Variants in CUTC observed in about 807,000 individuals in gnomAD.
CUTC encodes copper homeostasis protein cutC homolog.
A neutral mutation model predicts 36.2 loss-of-function variants in CUTC; 27 were observed. That is an observed-to-expected ratio of 0.75 (90% CI 0.55 to 1.03). The LOEUF (loss-of-function observed/expected upper bound fraction) is 1.03. Ranked by LOEUF, CUTC falls within the 50% of genes least tolerant of loss-of-function variation. CUTC has a pLI of 0.00. For synonymous variants in CUTC, 114 were observed against 118.3 expected, an observed-to-expected ratio of 0.96 and a Z score of 0.24; for missense variants, 315 against 343.5, an observed-to-expected ratio of 0.92 and a Z score of 0.66.
At chr10:99,740,162 A>G (rs1022648702) in intron 3 of CUTC, among the ~76,000 whole-genome samples, 4 of 152,270 alleles carry the variant, frequency 2.6e-5, no homozygotes, top group East Asian at 1.9e-4. Flanking sequence ...TGAAGAGTCA[A>G]TTATCTTTTG....
chr10:99,737,685 TTC>T (rs368612056), intron 2 of CUTC, among the ~76,000 whole-genome samples: 2 of 152,162 alleles, frequency 1.3e-5, no homozygotes, highest in African/African-American at 4.8e-5. Flanking sequence ...TACAAAAACA[TTC>T]TTAGTTTGCA....
rs1041364148 is a variant in CUTC at position 99,732,358 on chromosome 10, C to A, written c.10C>A (p.Gln4Lys). 9 of 1,552,856 alleles carry A rather than the reference C, an allele frequency of 5.8e-6. No individual in the cohort carries two copies. Among genetic ancestry groups the A allele is most frequent in the African/African-American group, 1.4e-5 (1 of 73,136 alleles). Residue 4 changes from glutamine (Q) to lysine (K), a missense_variant, in exon 1 of 9, where the codon CAG becomes AAG. By Grantham distance (53) the Gln-to-Lys change is moderately conservative (BLOSUM62 1). Transcript: ENST00000370476. MKR[Q>K]GASSERKRAR... ...GAGGAACGCGTGGAGCATGAAAAGGCAGGGGGCCTCCTCTGAGCGAAAACG... is the reference window on the plus strand; with the variant it reads ...GAGGAACGCGTGGAGCATGAAAAGGAAGGGGGCCTCCTCTGAGCGAAAACG...
At chr10:99,741,465 G>C (rs1347666058) in intron 3 of CUTC, among the ~76,000 whole-genome samples, 3 of 152,178 alleles carry the variant, frequency 2.0e-5, no homozygotes, top group African/African-American at 7.2e-5. Flanking sequence ...TATTAAAGGA[G>C]GTTCTCTGCA....
At chr10:99,750,912 G>A (rs959455361) in intron 7 of CUTC, among the ~76,000 whole-genome samples, 1 of 152,166 alleles carries the variant, frequency 6.6e-6, no homozygotes, top group African/African-American at 2.4e-5. Context: ...CATAAGATCA[G>A]TTAAGTTCAT....
Position 99,750,394 on chromosome 10 carries a change from C to T in CUTC, c.599C>T (p.Pro200Leu). 6.3e-7 allele frequency: 1 copy of T among 1,585,674 alleles called. No individual in the cohort carries two copies. The highest frequency in any genetic ancestry group is 8.5e-7 in the Non-Finnish European group (1 of 1,170,690). The change falls in exon 7 of 9, where the codon CCA becomes CTA. Residue 200 changes from proline (P) to leucine (L), a missense_variant and splice_region_variant. By Grantham distance (98) the Pro-to-Leu change is moderately conservative (BLOSUM62 -3). Transcript: ENST00000370476. ...EQAKGRIVVM[P>L]GGGITDRNLQ... ...GCAAAAGGCAGGATTGTGGTAATGC[C>T]AGGTATTTATTTATCTATCAATTCA...
chr10:99,752,223 C>T lies in CUTC; in HGVS notation c.601+1827C>T, dbSNP rs537053839. 1.3e-4 allele frequency among the ~76,000 whole-genome samples: 19 copies of T among 151,994 alleles called. No individual in the cohort carries two copies. The Middle Eastern group carries it at 0.014, about 109-fold the overall frequency. On this transcript the variant is annotated intron_variant, in intron 7 of 8. Coordinates refer to ENST00000370476, the MANE Select transcript of CUTC (RefSeq NM_015960.3). ...TAGTAAGACACCATCTTTACCAAAA[C>T]GTAAAAAAATTAGTTGGGCATGGTG... is the stretch of plus-strand genomic sequence containing the variant.
In CUTC at chr10:99,755,652, A is replaced by C; in HGVS notation, c.735A>C (p.Ser245=). Residue 245 remains serine (S), a synonymous_variant, in exon 9 of 9, where the codon TCA becomes TCC. Transcript: ENST00000370476. ...ATTCATCTGTTGCCATGGGAGCCTC[A>C]CTTTCTTGCTCAGAATATTCCCTAA... ...FRNSSVAMGA[S]LSCSEYSLKV... 1 of 1,613,556 alleles carries C rather than the reference A, an allele frequency of 6.2e-7. No homozygotes were observed.
rs531007373 is a variant in CUTC, at chr10:99,743,331, C to T, written c.372C>T (p.His124=). ...LVFGALTEDG[H]IDKELCMSLM... is the part of the protein sequence containing the mutation. ...TTGGGGCATTGACTGAAGATGGACA[C>T]ATTGACAAAGAGCTGTGTATGTCCC... Residue 124 remains histidine (H), a synonymous_variant, in exon 4 of 9, where the codon CAC becomes CAT. Transcript: ENST00000370476. The T allele has an allele frequency of 1.2e-6, 2 of 1,614,110 alleles. No homozygotes were observed. The highest frequency in any genetic ancestry group is 2.7e-5 in the African/African-American group (2 of 75,012).
At chr10:99,743,908 AT>A in intron 4 of CUTC, 128 bp from the exon 5 acceptor site, 1 of 610,788 alleles carries the variant, frequency 1.6e-6, no homozygotes. Context: ...CCATTTTATT[AT>A]TATGTCAGTT....
Position 99,743,226 on chromosome 10 carries a change from T to G in CUTC, c.267T>G (p.Phe89Leu). The G allele has an allele frequency of 6.2e-7, 1 of 1,614,192 alleles. No individual in the cohort carries two copies. The highest frequency in any genetic ancestry group is 8.5e-7 in the Non-Finnish European group (1 of 1,180,030). The change falls in exon 4 of 9, where the codon TTT (phenylalanine) becomes TTG (leucine). Residue 89 changes from phenylalanine to leucine, a missense_variant. Transcript: ENST00000370476. ...TGATTCGGCCACGGGGAGGTGATTT[T>G]TTGTATTCAGATCGTGAAATTGAGG... ...FVMIRPRGGD[F>L]LYSDREIEVM...
rs534952941 is a variant in CUTC at position 99,754,613 on chromosome 10, G to C, written c.686G>C (p.Arg229Thr). Reference sequence around the variant, plus strand: ...TTCCACTGTTCTGCTCGGTCTACTAGAGACTCGGGAATGAAGTTTCGGTAA... The same window carrying C: ...TTCCACTGTTCTGCTCGGTCTACTACAGACTCGGGAATGAAGTTTCGGTAA... The part of the protein sequence containing the change: ...TEFHCSARST[R>T]DSGMKFRNSS... The change falls in exon 8 of 9, where the codon AGA becomes ACA. Residue 229 changes from arginine to threonine, a missense_variant. Physicochemically the swap from Arg to Thr is moderately conservative, Grantham distance 71. Transcript: ENST00000370476. 6 of 1,611,766 alleles carry C rather than the reference G, an allele frequency of 3.7e-6. No individual in the cohort carries two copies. In the African/African-American group the frequency reaches 6.7e-5, roughly 18 times the overall value.
intron 7 of CUTC, among the ~76,000 whole-genome samples, chr10:99,750,968 A>G (rs777171807): frequency 1.2e-4 from 19 of 152,364 alleles, no homozygotes; most frequent in Non-Finnish European, 2.4e-4. Flanking sequence ...TTAAAGAATT[A>G]GATAATACAA....
chr10:99,751,115 T>C (rs533437390), intron 7 of CUTC, among the ~76,000 whole-genome samples: 1 of 152,338 alleles, frequency 6.6e-6, no homozygotes, highest in East Asian at 1.9e-4. Flanking sequence ...CAAATTTGTC[T>C]CATCTTTTTT....
chr10:99,734,605 A>C lies in CUTC; in HGVS notation c.62-1641A>C, dbSNP rs545520852. ...GAGGAACATTCTAGTAAGTGTCATT[A>C]CATGAAGTGTGCATTGTTTCGTTCA... is the stretch of plus-strand genomic sequence containing the variant. On this transcript the variant is annotated intron_variant, in intron 1 of 8. Coordinates refer to ENST00000370476, the MANE Select transcript of CUTC (RefSeq NM_015960.3). Among the ~76,000 whole-genome samples the C allele has an allele frequency of 2.0e-5, 3 of 152,352 alleles. No individual in the cohort carries two copies. In the South Asian group the frequency reaches 6.2e-4, roughly 32 times the overall value.
At chr10:99,739,797 T>C (rs1419960064) in intron 3 of CUTC, 28 bp downstream of exon 3, 2 of 1,595,796 alleles carry the variant, frequency 1.3e-6, no homozygotes, top group East Asian at 4.5e-5. Context: ...CCAGGTTTTC[T>C]GATTGGAGTT....
Position 99,755,695 on chromosome 10 carries a change from A to G in CUTC, c.778A>G (p.Lys260Glu), listed in dbSNP as rs940762924. 1 of 1,613,994 alleles carries G rather than the reference A, an allele frequency of 6.2e-7. No individual in the cohort carries two copies. The highest frequency in any genetic ancestry group is 8.5e-7 in the Non-Finnish European group (1 of 1,179,914). ...TTCCCTAAAGGTAACAGATGTGACC[A>G]AAGTAAGGACTTTGAATGCTATCGC... ...EYSLKVTDVT[K>E]VRTLNAIAKN... Residue 260 changes from lysine to glutamate, a missense_variant, in exon 9 of 9, where the codon AAA (lysine) becomes GAA (glutamate). By Grantham distance (56) the Lys-to-Glu change is moderately conservative. Transcript: ENST00000370476.
chr10:99,732,347 G>A lies in CUTC; in HGVS notation c.-2G>A. 6.4e-7 allele frequency: 1 copy of A among 1,552,482 alleles called. No homozygotes were observed. Among genetic ancestry groups the A allele is most frequent in the Non-Finnish European group, 8.7e-7 (1 of 1,147,666 alleles). ...GGCGCACGAGGGAGGAACGCGTGGA[G>A]CATGAAAAGGCAGGGGGCCTCCTCT... On this transcript the variant is annotated 5_prime_UTR_variant, in exon 1 of 9. Transcript: ENST00000370476.
At chr10:99,748,806 A>T (rs1354778443) in intron 6 of CUTC, among the ~76,000 whole-genome samples, 2 of 152,162 alleles carry the variant, frequency 1.3e-5, no homozygotes, top group Non-Finnish European at 2.9e-5. Context: ...ATGTTGGTGG[A>T]ATTGTTCCAT....
chr10:99,737,383 C>T (rs1443635401), intron 2 of CUTC, among the ~76,000 whole-genome samples: 1 of 151,788 alleles, frequency 6.6e-6, no homozygotes, highest in Non-Finnish European at 1.5e-5. Flanking sequence ...TGAAAGAAAC[C>T]AGTGGAAGAA....
Sources: gnomAD v4.1 joint callset for allele counts (sites outside exome capture counted in the v4.1 genomes callset) on GRCh38, gnomAD v4.1.1 for gene constraint, MANE v1.5 for transcripts, NCBI Gene and HGNC (gene_info 2026-07-23, HGNC 2026-07-21) for gene names.